The following NINL variants were observed in gnomAD, a reference collection of about 807,000 sequenced individuals.
NINL encodes ninein like, also known as ninein-like protein.
Under a neutral mutation model 160.3 loss-of-function variants are expected in NINL, and 153 were observed. The ratio of observed to expected loss-of-function variants is 0.95; its 90% CI spans 0.84 to 1.09. The LOEUF (loss-of-function observed/expected upper bound fraction) is 1.09, where lower values mean the gene tolerates loss of function less well. Among genes scored for constraint, NINL ranks in the 50% least tolerant of loss-of-function variants. The pLI is 0.00. For synonymous variants in NINL, 800 were observed against 734.8 expected (o/e 1.09, Z -1.43); for missense variants, 1,829 against 1,764.0 (o/e 1.04, Z -0.66).
chr20:25,499,797 T>C (rs1237420930), intron 8 of NINL, among the ~76,000 whole-genome samples: 1 of 151,764 alleles, frequency 6.6e-6, no homozygotes, highest in Non-Finnish European at 1.5e-5. Flanking sequence ...CTCCAAGAGT[T>C]ACAGGGTGCA....
chr20:25,515,849 C>T (rs375678374), intron 3 of NINL, among the ~76,000 whole-genome samples: 56 of 152,286 alleles, frequency 3.7e-4, no homozygotes, highest in Middle Eastern at 3.4e-3. Flanking sequence ...CGGCTCACTG[C>T]AAGCTCCACG....
At chr20:25,584,490 C>G (rs1160277982) in intron 1 of NINL, among the ~76,000 whole-genome samples, 2 of 152,120 alleles carry the variant, frequency 1.3e-5, no homozygotes, top group African/African-American at 2.4e-5. Context: ...AGAACAACAA[C>G]AAGAAGAACA....
At chr20:25,534,065 C>G (rs2064514771) in intron 1 of NINL, among the ~76,000 whole-genome samples, 1 of 152,212 alleles carries the variant, frequency 6.6e-6, no homozygotes, top group Admixed American at 6.5e-5. Context: ...AACTCTAAGT[C>G]TGTCCTTCTT....
chr20:25,516,381 G>T (rs768628063), intron 3 of NINL, among the ~76,000 whole-genome samples: 54 of 152,118 alleles, frequency 3.5e-4, no homozygotes, highest in Non-Finnish European at 7.1e-4. Flanking sequence ...GAAAGAAAAA[G>T]AAAAAGAAAG....
Position 25,481,736 on chromosome 20 carries a change from C to T in NINL, c.1810+232G>A, listed in dbSNP as rs577283253. ...GGAACAGCCTGGGCCAGCCCTGGGGCTGCCCACCTTCAGCGTCCCTTCCTC... is the reference window on the plus strand; with the variant it reads ...GGAACAGCCTGGGCCAGCCCTGGGGTTGCCCACCTTCAGCGTCCCTTCCTC... On this transcript the variant is annotated intron_variant, in intron 14 of 23. Transcript: ENST00000278886. 23 of 596,648 alleles carry T rather than the reference C, an allele frequency of 3.9e-5. No homozygotes were observed. In the East Asian group the frequency reaches 6.1e-4, roughly 16 times the overall value. 37.0% of individuals were successfully genotyped at this position (596,648 alleles called of 1,614,324 possible). A position where few individuals can be genotyped will look rare whatever the true frequency, so the allele number is the denominator to read the frequency against.
At chr20:25,485,449 G>A (rs940546990) in intron 13 of NINL, among the ~76,000 whole-genome samples, 3 of 152,232 alleles carry the variant, frequency 2.0e-5, no homozygotes, top group Admixed American at 6.5e-5. Flanking sequence ...CCAGCAGAAC[G>A]GGAGGAAGTG....
At chr20:25,568,030 G>A (rs1428016209) in intron 1 of NINL, among the ~76,000 whole-genome samples, 1 of 151,524 alleles carries the variant, frequency 6.6e-6, no homozygotes, top group Non-Finnish European at 1.5e-5. Context: ...TAGAAAAAAA[G>A]AGCAAAATAA....
At position 25,559,255 on chromosome 20, in the gene NINL, T is replaced by A. The variant is rs376789021; in HGVS notation, c.-12+26200A>T. Among the ~76,000 whole-genome samples, 5 of 152,238 alleles carry A rather than the reference T, an allele frequency of 3.3e-5. No homozygotes were observed. In the East Asian group the frequency reaches 5.8e-4, roughly 18 times the overall value. On this transcript the variant is annotated intron_variant, in intron 1 of 23. Transcript: ENST00000278886. ...AGCAGAGGAAGGCCTTTTTCTTTTT[T>A]CTTTGAGATGGAGTCTCACTCTGTC... is the stretch of plus-strand genomic sequence containing the variant.
Position 25,526,377 on chromosome 20 carries a change from T to C in NINL, c.180+31A>G, listed in dbSNP as rs369694432. The C allele has an allele frequency of 2.1e-5, 30 of 1,418,696 alleles. No individual in the cohort carries two copies. In the South Asian group the frequency reaches 3.2e-4, roughly 15 times the overall value. 87.9% of individuals were successfully genotyped at this position (1,418,696 alleles called of 1,614,324 possible). ...AAGAGCCAACTATAGACCCCGTGCT[T>C]TCCTTTATGACAATGAAGTCCAACA... On this transcript the variant is annotated intron_variant, in intron 2 of 23. Transcript: ENST00000278886.
At chr20:25,559,207 AAGG>A (rs1367986648) in intron 1 of NINL, among the ~76,000 whole-genome samples, 2 of 152,134 alleles carry the variant, frequency 1.3e-5, no homozygotes, top group Admixed American at 6.5e-5. Flanking sequence ...GGCTTGGGAT[AAGG>A]CAGTGTGCTC....
intron 5 of NINL, among the ~76,000 whole-genome samples, chr20:25,505,770 A>T (rs2063950993): frequency 6.6e-6 from 1 of 152,200 alleles, no homozygotes; most frequent in African/African-American, 2.4e-5. Flanking sequence ...AGACAGAGGG[A>T]TGGATGGACG....
rs551612176 is a variant in NINL, at chr20:25,513,239, C to T, written c.278-233G>A. ...AAGGGTGGGGAGAGGAGGACTTTCC[C>T]CTAAACTCTGTATGCTATTTACACT... On this transcript the variant is annotated intron_variant, in intron 3 of 23. Coordinates refer to ENST00000278886, the MANE Select transcript of NINL (RefSeq NM_025176.6). 8.5e-5 allele frequency among the ~76,000 whole-genome samples: 13 copies of T among 152,220 alleles called. 1 individual carries two copies. In the South Asian group the frequency reaches 2.7e-3, roughly 32 times the overall value.
In NINL at chr20:25,477,037, G is replaced by C; in HGVS notation, c.2254C>G (p.Pro752Ala). 1 of 1,599,194 alleles carries C rather than the reference G, an allele frequency of 6.3e-7. No homozygotes were observed. The highest frequency in any genetic ancestry group is 8.5e-7 in the Non-Finnish European group (1 of 1,179,634). ...TCCAAGGTCAGGTCTCTGCGAGCGG[G>C]CAGGGCTCCCAGCCCCGACAGCTCT... ...SGELSGLGAL[P>A]ARRDLTLELE... Residue 752 changes from proline (P) to alanine (A), a missense_variant, in exon 17 of 24, where the codon CCC (proline) becomes GCC (alanine). Transcript: ENST00000278886.
At chr20:25,531,450 C>T (rs571264900) in intron 1 of NINL, among the ~76,000 whole-genome samples, 1 of 152,240 alleles carries the variant, frequency 6.6e-6, no homozygotes, top group African/African-American at 2.4e-5. Context: ...TGATAAGTGT[C>T]CATGAAATCT....
In NINL at chr20:25,491,365, T is replaced by C. The variant is rs2063630104; in HGVS notation, c.1471A>G (p.Thr491Ala). ...AEEAGLREKLTLALKENSRLQ... is the reference protein window; with the variant it reads ...AEEAGLREKLALALKENSRLQ... ...GATGCCCCTACCTTCAGGGCCAGGG[T>C]CAGCTTCTCGCGGAGGCCAGCCTCC... Residue 491 changes from threonine to alanine, a missense_variant, in exon 11 of 24, where the codon ACC (threonine) becomes GCC (alanine). Coordinates refer to ENST00000278886, the MANE Select transcript of NINL (RefSeq NM_025176.6). The C allele has an allele frequency of 6.2e-7, 1 of 1,608,878 alleles. No homozygotes were observed. Among genetic ancestry groups the C allele is most frequent in the African/African-American group, 1.3e-5 (1 of 75,012 alleles).
intron 1 of NINL, among the ~76,000 whole-genome samples, chr20:25,583,905 A>C (rs908428227): frequency 1.3e-5 from 2 of 152,204 alleles, no homozygotes; most frequent in East Asian, 3.9e-4. Context: ...GTTCTCACTC[A>C]TAAGTGGGAG....
chr20:25,546,478 T>C (rs2064733970), intron 1 of NINL, among the ~76,000 whole-genome samples: 1 of 152,094 alleles, frequency 6.6e-6, no homozygotes, highest in African/African-American at 2.4e-5. Context: ...AATGCAGCTT[T>C]TGCTTCACCC....
chr20:25,504,838 C>T (rs766860425), intron 6 of NINL, 50 bp downstream of exon 6: 52 of 1,591,612 alleles, frequency 3.3e-5, no homozygotes, highest in East Asian at 2.9e-4. Flanking sequence ...AACACTAAAC[C>T]GTGACCATGG....
chr20:25,461,681 G>A (rs1432042277), intron 20 of NINL, 46 bp from the exon 21 acceptor site: 2 of 1,256,068 alleles, frequency 1.6e-6, no homozygotes, highest in Non-Finnish European at 2.3e-6. Flanking sequence ...TATCTGAAGA[G>A]TCTGGTATGT....
Sources: gnomAD v4.1 joint callset for allele counts (sites outside exome capture counted in the v4.1 genomes callset) on GRCh38, gnomAD v4.1.1 for gene constraint, MANE v1.5 for transcripts, NCBI Gene and HGNC (gene_info 2026-07-23, HGNC 2026-07-21) for gene names.